SCHIP1: variants seen among roughly 807,000 people sequenced by gnomAD.
SCHIP1 encodes schwannomin interacting protein 1.
Under a neutral mutation model 29.7 loss-of-function variants are expected in SCHIP1, and 8 were observed. The ratio of observed to expected loss-of-function variants is 0.27; its 90% CI spans 0.16 to 0.49. SCHIP1 has a LOEUF of 0.49. SCHIP1 is among the 20% of genes least tolerant of loss of function. The probability of loss-of-function intolerance (pLI) is 0.99; values close to 1 mark genes in which losing one functional copy is unlikely to be tolerated. For missense variants in SCHIP1, 193 were observed against 294.6 expected, an observed-to-expected ratio of 0.66 and a Z score of 2.52; for synonymous variants, 76 against 94.9, an observed-to-expected ratio of 0.80 and a Z score of 1.16.
At chr3:159,483,745 T>C in the SCHIP1 span, among the ~76,000 whole-genome samples, 4 of 152,176 alleles carry the variant, frequency 2.6e-5, no homozygotes, top group African/African-American at 4.8e-5. Flanking sequence ...TGAACTACTA[T>C]GTATGCATGG....
chr3:159,811,940 C>A, the SCHIP1 span, among the ~76,000 whole-genome samples: 1 of 148,492 alleles, frequency 6.7e-6, no homozygotes, highest in East Asian at 2.0e-4. Flanking sequence ...CTTATAATTT[C>A]TCTTAGCAAT....
the SCHIP1 span, among the ~76,000 whole-genome samples, chr3:159,312,317 T>G: frequency 6.6e-6 from 1 of 152,162 alleles, no homozygotes; most frequent in Non-Finnish European, 1.5e-5. Context: ...GAGAAAGTGG[T>G]GATCTATGGG....
At chr3:159,876,963 C>T (rs768138180) in intron 2 of SCHIP1, among the ~76,000 whole-genome samples, 2 of 152,210 alleles carry the variant, frequency 1.3e-5, no homozygotes, top group East Asian at 1.9e-4. Flanking sequence ...GTGCCCACCT[C>T]CTCCTTGGGG....
At chr3:159,822,002 A>T in the SCHIP1 span, among the ~76,000 whole-genome samples, 1 of 152,236 alleles carries the variant, frequency 6.6e-6, no homozygotes, top group Non-Finnish European at 1.5e-5. Flanking sequence ...ATGGTGTGAG[A>T]TTTCATCACG....
At chr3:159,745,883 G>T in the SCHIP1 span, among the ~76,000 whole-genome samples, 1 of 152,120 alleles carries the variant, frequency 6.6e-6, no homozygotes, top group African/African-American at 2.4e-5. Context: ...TTTGGTGTTT[G>T]TCTAATTAGT....
At chr3:159,565,305 A>G in the SCHIP1 span, among the ~76,000 whole-genome samples, 1 of 152,350 alleles carries the variant, frequency 6.6e-6, no homozygotes, top group African/African-American at 2.4e-5. Context: ...ATAATCAGCC[A>G]TAAGTCTCTT....
chr3:159,592,113 T>TAC, the SCHIP1 span, among the ~76,000 whole-genome samples: 1 of 152,030 alleles, frequency 6.6e-6, no homozygotes, highest in Non-Finnish European at 1.5e-5. Flanking sequence ...CAAGTTGAAG[T>TAC]ACTCAGCTGC....
At chr3:159,414,303 G>GACTT in the SCHIP1 span, among the ~76,000 whole-genome samples, 3 of 152,170 alleles carry the variant, frequency 2.0e-5, no homozygotes, top group African/African-American at 7.2e-5. Flanking sequence ...ATTATGCCAT[G>GACTT]ACTTACATGC....
the SCHIP1 span, among the ~76,000 whole-genome samples, chr3:159,527,146 G>A: frequency 6.6e-6 from 1 of 152,164 alleles, no homozygotes; most frequent in Non-Finnish European, 1.5e-5. Flanking sequence ...TTTCTGAGAT[G>A]TTCTCTTGAC....
At chr3:159,693,072 G>T in the SCHIP1 span, among the ~76,000 whole-genome samples, 1 of 152,130 alleles carries the variant, frequency 6.6e-6, no homozygotes. Flanking sequence ...TATAAAGATA[G>T]ACTGAAACCT....
chr3:159,869,903 CTT>C (rs1715065965), intron 2 of SCHIP1, among the ~76,000 whole-genome samples: 1 of 151,800 alleles, frequency 6.6e-6, no homozygotes, highest in African/African-American at 2.4e-5. Flanking sequence ...TTACACATCT[CTT>C]GTTATATTTA....
the SCHIP1 span, among the ~76,000 whole-genome samples, chr3:159,288,003 G>A: frequency 6.6e-6 from 1 of 152,090 alleles, no homozygotes; most frequent in African/African-American, 2.4e-5. Flanking sequence ...ATAAAAGTAG[G>A]GAAAAGATGA....
intron 1 of SCHIP1, among the ~76,000 whole-genome samples, chr3:159,864,754 G>A (rs900757396): frequency 4.6e-5 from 7 of 152,144 alleles, no homozygotes; most frequent in Admixed American, 4.6e-4. Flanking sequence ...GCCTGTTGAA[G>A]CTGGATCTTG....
the SCHIP1 span, among the ~76,000 whole-genome samples, chr3:159,587,110 A>G: frequency 6.6e-6 from 1 of 152,122 alleles, no homozygotes; most frequent in Admixed American, 6.6e-5. Context: ...CTTTTCCAAA[A>G]TACTGACTCC....
chr3:159,739,319 G>T, the SCHIP1 span, among the ~76,000 whole-genome samples: 1 of 152,218 alleles, frequency 6.6e-6, no homozygotes, highest in Admixed American at 6.5e-5. Context: ...ATCTCTCAAA[G>T]ATCACTTTGG....
At chr3:159,541,404 G>T in the SCHIP1 span, among the ~76,000 whole-genome samples, 1 of 152,164 alleles carries the variant, frequency 6.6e-6, no homozygotes, top group Admixed American at 6.6e-5. Context: ...TCTGGGAAAG[G>T]ATTAAAAGTA....
At chr3:159,756,655 C>A in the SCHIP1 span, among the ~76,000 whole-genome samples, 4 of 152,176 alleles carry the variant, frequency 2.6e-5, no homozygotes, top group African/African-American at 9.7e-5. Flanking sequence ...TGGGTTTTTC[C>A]TTTTCTACTG....
At chr3:159,429,706 G>C in the SCHIP1 span, among the ~76,000 whole-genome samples, 4 of 152,122 alleles carry the variant, frequency 2.6e-5, no homozygotes, top group African/African-American at 9.7e-5. Context: ...CACAAGAACA[G>C]GTTATGCCGT....
the SCHIP1 span, among the ~76,000 whole-genome samples, chr3:159,552,931 C>A: frequency 3.9e-5 from 6 of 152,148 alleles, no homozygotes; most frequent in South Asian, 6.2e-4. Flanking sequence ...AGTAAAGTAT[C>A]TTTTATAACC....
Sources: gnomAD v4.1 joint callset for allele counts (sites outside exome capture counted in the v4.1 genomes callset) on GRCh38, gnomAD v4.1.1 for gene constraint, MANE v1.5 for transcripts, NCBI Gene and HGNC (gene_info 2026-07-23, HGNC 2026-07-21) for gene names.